REEP3: variants seen among roughly 807,000 people sequenced by gnomAD.
The protein encoded by REEP3 is receptor expression-enhancing protein 3.
A neutral mutation model predicts 41.3 loss-of-function variants in REEP3; 20 were observed. The ratio of observed to expected loss-of-function variants is 0.48; its 90% CI spans 0.34 to 0.70. The LOEUF (loss-of-function observed/expected upper bound fraction) is 0.70. Among genes scored for constraint, REEP3 ranks in the 30% least tolerant of loss-of-function variants. REEP3 has a pLI of 0.01. For synonymous variants in REEP3, 104 were observed against 101.8 expected, an observed-to-expected ratio of 1.02 and a Z score of -0.13; for missense variants, 271 against 308.8, an observed-to-expected ratio of 0.88 and a Z score of 0.92.
intron 1 of REEP3, among the ~76,000 whole-genome samples, chr10:63,523,458 C>A (rs1024698133): frequency 1.3e-5 from 2 of 152,098 alleles, no homozygotes; most frequent in African/African-American, 4.8e-5. Context: ...CATAGCGAGA[C>A]CTTGTCTCCA....
chr10:63,613,973 A>AT (rs1956294525), intron 6 of REEP3, among the ~76,000 whole-genome samples: 1 of 152,202 alleles, frequency 6.6e-6, no homozygotes, highest in African/African-American at 2.4e-5. Context: ...ATTTTCCTGC[A>AT]TAAAAAATAC....
intron 4 of REEP3, 61 bp from the exon 5 acceptor site, chr10:63,599,109 A>G: frequency 1.3e-6 from 1 of 759,526 alleles, no homozygotes; most frequent in South Asian, 1.7e-5. Context: ...AGAATGTTCT[A>G]GTTTGGGGCT....
In REEP3 at chr10:63,620,802, T is replaced by G. The variant is rs780505035; in HGVS notation, c.712-11T>G. 1.3e-5 allele frequency: 20 copies of G among 1,573,302 alleles called. No individual in the cohort carries two copies. The highest frequency in any genetic ancestry group is 1.6e-5 in the Non-Finnish European group (19 of 1,152,470). ...ATCTAATTCTTAATAATAAAACATTTCTCTCTTCAGGTGCGGTACGGGTCA... is the reference window on the plus strand; with the variant it reads ...ATCTAATTCTTAATAATAAAACATTGCTCTCTTCAGGTGCGGTACGGGTCA... On this transcript the variant is annotated splice_polypyrimidine_tract_variant and intron_variant, in intron 7 of 7. Transcript: ENST00000373758.
At chr10:63,532,750 T>A (rs993899593) in intron 1 of REEP3, among the ~76,000 whole-genome samples, 1 of 151,470 alleles carries the variant, frequency 6.6e-6, no homozygotes, top group African/African-American at 2.4e-5. Flanking sequence ...GTACAAAAAT[T>A]AGCCGGGCAT....
chr10:63,609,478 G>A (rs1956260246), intron 5 of REEP3, among the ~76,000 whole-genome samples: 1 of 150,806 alleles, frequency 6.6e-6, no homozygotes, highest in African/African-American at 2.4e-5. Context: ...AGTTGCCCTT[G>A]GCCGGGCTTA....
intron 1 of REEP3, among the ~76,000 whole-genome samples, chr10:63,527,866 G>A (rs1437005516): frequency 6.6e-6 from 1 of 151,864 alleles, no homozygotes; most frequent in Non-Finnish European, 1.5e-5. Context: ...ATCCTCATCT[G>A]ACTTATCAGC....
At chr10:63,613,905 G>T (rs1291977843) in intron 6 of REEP3, among the ~76,000 whole-genome samples, 1 of 152,062 alleles carries the variant, frequency 6.6e-6, no homozygotes, top group Non-Finnish European at 1.5e-5. Flanking sequence ...TCTTCAGATA[G>T]ATAAAATTTC....
chr10:63,619,918 A>AT (rs71463534), intron 7 of REEP3, 118 bp downstream of exon 7: 19,738 of 249,284 alleles, frequency 0.079, 989 homozygotes, highest in African/African-American at 0.24. Context: ...CAGCAGTTTG[A>AT]TTTTTTTTTT....
chr10:63,616,035 T>A (rs1956309657), intron 6 of REEP3, among the ~76,000 whole-genome samples: 1 of 152,174 alleles, frequency 6.6e-6, no homozygotes. Flanking sequence ...AAAACCCAAC[T>A]CTAATCATGT....
Position 63,553,873 on chromosome 10 carries a change from C to T in REEP3, c.33-12465C>T, listed in dbSNP as rs1018567449. ...ATCCCAGCACTTTGGGAGGCCGAGGCGGTTGGATCACAAGGTCAGGAGATC... is the reference window on the plus strand; with the variant it reads ...ATCCCAGCACTTTGGGAGGCCGAGGTGGTTGGATCACAAGGTCAGGAGATC... On this transcript the variant is annotated intron_variant, in intron 1 of 7. Coordinates refer to ENST00000373758, the MANE Select transcript of REEP3 (RefSeq NM_001001330.3). 6.6e-5 allele frequency among the ~76,000 whole-genome samples: 10 copies of T among 152,152 alleles called. No individual in the cohort carries two copies. The East Asian group carries it at 1.5e-3, about 24-fold the overall frequency.
In REEP3 at chr10:63,623,970, A is replaced by AT. The variant is rs1300023485; in HGVS notation, c.*3108dup. 2.6e-5 allele frequency: 4 copies of AT among 152,476 alleles called. No homozygotes were observed. Among genetic ancestry groups the AT allele is most frequent in the Non-Finnish European group, 5.9e-5 (4 of 68,128 alleles). The allele number at this position is 152,476 out of a possible 1,614,324, so 9.4% of individuals were successfully genotyped here. A position where few individuals can be genotyped will look rare whatever the true frequency, so the allele number is the denominator to read the frequency against. On this transcript the variant is annotated 3_prime_UTR_variant, in exon 8 of 8. Transcript: ENST00000373758. ...ATATTCCAAATTTCTGTGGTTAAAT[A>AT]TTTTTTTCTTTTTTTTCCTTTTTTA...
chr10:63,584,833 C>A (rs1369300292), intron 2 of REEP3, among the ~76,000 whole-genome samples: 3 of 152,082 alleles, frequency 2.0e-5, no homozygotes, highest in Non-Finnish European at 4.4e-5. Flanking sequence ...AAATAAAGTT[C>A]TCATTGGGTG....
At chr10:63,582,805 C>T (rs1955967273) in intron 2 of REEP3, among the ~76,000 whole-genome samples, 1 of 152,124 alleles carries the variant, frequency 6.6e-6, no homozygotes, top group Non-Finnish European at 1.5e-5. Flanking sequence ...CTCAGGCAGC[C>T]CCTCTTTACC....
At chr10:63,584,643 G>A (rs781538821) in intron 2 of REEP3, among the ~76,000 whole-genome samples, 1 of 151,718 alleles carries the variant, frequency 6.6e-6, no homozygotes, top group Non-Finnish European at 1.5e-5. Flanking sequence ...GAGTGGGGGG[G>A]GAATCATTAT....
At chr10:63,524,430 A>T (rs888197846) in intron 1 of REEP3, among the ~76,000 whole-genome samples, 3 of 151,838 alleles carry the variant, frequency 2.0e-5, no homozygotes, top group Non-Finnish European at 4.4e-5. Context: ...TTAGCCCTGG[A>T]CACCACTCTT....
At chr10:63,606,281 C>CTTTCTTTCTTTCTT (rs1956226333) in intron 5 of REEP3, among the ~76,000 whole-genome samples, 1 of 147,822 alleles carries the variant, frequency 6.8e-6, no homozygotes, top group Admixed American at 6.7e-5. Context: ...CTTTCTTTTT[C>CTTTCTTTCTTTCTT]TTTCTTTCCT....
intron 1 of REEP3, among the ~76,000 whole-genome samples, chr10:63,541,302 A>T (rs1371965771): frequency 2.6e-5 from 4 of 152,196 alleles, no homozygotes; most frequent in Non-Finnish European, 1.5e-5. Flanking sequence ...GCATGTGTCT[A>T]ACCGTATGAC....
chr10:63,590,823 T>TA (rs1405893736), intron 2 of REEP3, among the ~76,000 whole-genome samples: 2 of 152,218 alleles, frequency 1.3e-5, no homozygotes, highest in Non-Finnish European at 2.9e-5. Context: ...TGGAAAGAAA[T>TA]ACGATTTGTT....
intron 2 of REEP3, among the ~76,000 whole-genome samples, chr10:63,593,254 G>A (rs1956082253): frequency 6.6e-6 from 1 of 152,118 alleles, no homozygotes; most frequent in South Asian, 2.1e-4. Flanking sequence ...CAATTTCCCA[G>A]TTATATATAA....
Sources: allele counts gnomAD v4.1 joint callset (sites outside exome capture counted in the v4.1 genomes callset), GRCh38; gene constraint gnomAD v4.1.1; transcripts MANE v1.5; gene names NCBI Gene and HGNC (gene_info 2026-07-23, HGNC 2026-07-21).